The following PMVK variants were observed in gnomAD, a reference collection of about 807,000 sequenced individuals.
The protein encoded by PMVK is testis tissue sperm-binding protein Li 95mP.
In PMVK, 10 loss-of-function variants were observed where a neutral mutation model predicts 19.0. The observed-to-expected ratio is 0.53, with a 90% CI of 0.32 to 0.89. PMVK has a LOEUF of 0.89. Among genes scored for constraint, PMVK ranks in the 40% least tolerant of loss-of-function variants. The probability of loss-of-function intolerance (pLI) is 0.03; values close to 1 mark genes in which losing one functional copy is unlikely to be tolerated. For synonymous variants in PMVK, 108 were observed against 101.6 expected, an observed-to-expected ratio of 1.06 and a Z score of -0.38; for missense variants, 222 against 251.1, an observed-to-expected ratio of 0.88 and a Z score of 0.78.
At chr1:154,927,023 T>A (rs1654185357) in intron 3 of PMVK, among the ~76,000 whole-genome samples, 1 of 152,152 alleles carries the variant, frequency 6.6e-6, no homozygotes, top group Non-Finnish European at 1.5e-5. Context: ...CTTGGTATAG[T>A]CTCTCACACC....
chr1:154,925,381 G>A, intron 4 of PMVK, 116 bp from the exon 5 acceptor site: 2 of 1,132,792 alleles, frequency 1.8e-6, no homozygotes, highest in South Asian at 1.3e-5. Flanking sequence ...CTACCCTAGA[G>A]CCAAGGGCTA....
At chr1:154,937,873 A>G (rs1324378969), upstream of PMVK, 5 of 152,236 alleles carry the variant, frequency 3.3e-5, no homozygotes, top group East Asian at 7.7e-4. Context: ...AGCAACCCAG[A>G]AAACACTGCA....
upstream of PMVK, chr1:154,937,327 A>G (rs1290609563): frequency 1.3e-5 from 2 of 152,300 alleles, no homozygotes; most frequent in East Asian, 3.9e-4. Context: ...CGCACACGAT[A>G]TTTCATTGTC....
chr1:154,941,227 G>C (rs757565841), upstream of PMVK, among the ~76,000 whole-genome samples: 3 of 152,222 alleles, frequency 2.0e-5, no homozygotes, highest in Admixed American at 6.5e-5. Flanking sequence ...AGAAGAACAG[G>C]TGAGCGGGGA....
chr1:154,936,366 C>A, intron 1 of PMVK: 1 of 983,522 alleles, frequency 1.0e-6, no homozygotes, highest in Non-Finnish European at 1.2e-6. Context: ...GAGAGACCTG[C>A]AGCTGAAGGT....
intron 1 of PMVK, among the ~76,000 whole-genome samples, chr1:154,935,458 A>G (rs1360027688): frequency 1.3e-5 from 2 of 152,218 alleles, no homozygotes; most frequent in Non-Finnish European, 2.9e-5. Flanking sequence ...TCTTGCTTTG[A>G]CAGAAAACAC....
intron 1 of PMVK, chr1:154,936,354 CAG>C (rs1448250056): frequency 3.1e-6 from 3 of 978,524 alleles, no homozygotes; most frequent in African/African-American, 1.8e-5. Flanking sequence ...TAATGCTTCT[CAG>C]AGAGACCTGC....
At position 154,929,156 on chromosome 1, in the gene PMVK, C is replaced by A. The variant is rs1210128840; in HGVS notation, c.180G>T (p.Gln60His). The A allele has an allele frequency of 1.2e-6, 2 of 1,614,146 alleles. No homozygotes were observed. The highest frequency in any genetic ancestry group is 4.5e-5 in the East Asian group (2 of 44,880). ...QYAQEHGLNF[Q>H]RLLDTSTYKE... ...TGTAGGTGCTGGTGTCCAGGAGTCTCTGGAAGTTCAAGCCATGCTCCTGCC... is the reference window on the plus strand; with the variant it reads ...TGTAGGTGCTGGTGTCCAGGAGTCTATGGAAGTTCAAGCCATGCTCCTGCC... Residue 60 changes from glutamine (Q) to histidine (H), a missense_variant, in exon 3 of 5, where the codon CAG becomes CAT. By Grantham distance (24) the Gln-to-His change is conservative. Coordinates refer to ENST00000368467, the MANE Select transcript of PMVK (RefSeq NM_006556.4).
At chr1:154,930,479 T>C (rs1039894978) in intron 2 of PMVK, among the ~76,000 whole-genome samples, 5 of 151,856 alleles carry the variant, frequency 3.3e-5, no homozygotes, top group African/African-American at 4.8e-5. Context: ...ATAAAATAAA[T>C]AAATAAATAA....
intron 3 of PMVK, among the ~76,000 whole-genome samples, chr1:154,926,830 G>A (rs1304332748): frequency 6.6e-6 from 1 of 152,140 alleles, no homozygotes; most frequent in Non-Finnish European, 1.5e-5. Context: ...AGTCTAGTGG[G>A]AGACACTGAA....
At chr1:154,933,897 A>G (rs1654422796) in intron 1 of PMVK, among the ~76,000 whole-genome samples, 1 of 151,916 alleles carries the variant, frequency 6.6e-6, no homozygotes, top group South Asian at 2.1e-4. Flanking sequence ...GGCTTAACCA[A>G]CCATTTATTG....
At chr1:154,935,402 C>T (rs1654473026) in intron 1 of PMVK, among the ~76,000 whole-genome samples, 1 of 152,222 alleles carries the variant, frequency 6.6e-6, no homozygotes, top group Non-Finnish European at 1.5e-5. Flanking sequence ...TCCCCAACCT[C>T]TGCTCTCCTA....
rs1654364279 is a variant in PMVK, at chr1:154,932,382, G to C, written c.129C>G (p.Leu43=). 1.2e-6 allele frequency: 2 copies of C among 1,613,442 alleles called. No individual in the cohort carries two copies. The highest frequency in any genetic ancestry group is 1.7e-6 in the Non-Finnish European group (2 of 1,179,596). ...CATACTGTTCCTTGAGTGGACCAGA[G>C]AGCCGGAGGACAGCACAGACATCAG... is the stretch of plus-strand genomic sequence containing the variant. ...LGADVCAVLR[L]SGPLKEQYAQ... The change falls in exon 2 of 5, where the codon CTC becomes CTG. Residue 43 remains leucine (L), a synonymous_variant. Coordinates refer to ENST00000368467, the MANE Select transcript of PMVK (RefSeq NM_006556.4).
chr1:154,936,886 G>C (rs1654526514), upstream of PMVK: 1 of 577,664 alleles, frequency 1.7e-6, no homozygotes. Flanking sequence ...GGAGAAAAGG[G>C]TGAGACACGC....
the PMVK span, among the ~76,000 whole-genome samples, chr1:154,941,906 C>T: frequency 6.6e-6 from 1 of 151,876 alleles, no homozygotes. Flanking sequence ...GGGCTGAGGG[C>T]ACTGGGGAAA....
rs114138760 is a variant in PMVK at position 154,925,709 on chromosome 1, G to C, written c.443-444C>G. 6.7e-3 allele frequency among the ~76,000 whole-genome samples: 1,022 copies of C among 152,354 alleles called. 8 individuals are homozygous for C. The highest frequency in any genetic ancestry group is 0.011 in the Non-Finnish European group (732 of 68,020). On this transcript the variant is annotated intron_variant, in intron 4 of 4. Transcript: ENST00000368467. ...TCTCACTCTTTGTGACCCTGGGAAA[G>C]AGACTTAACCTTTCAGGCCAGGGCC...
In PMVK at chr1:154,925,018, A is replaced by AAC; in HGVS notation, c.*110_*111insGT. 1 of 475,182 alleles carries AAC rather than the reference A, an allele frequency of 2.1e-6. No homozygotes were observed. Among genetic ancestry groups the AAC allele is most frequent in the Non-Finnish European group, 3.6e-6 (1 of 280,434 alleles). 29.4% of individuals were successfully genotyped at this position (475,182 alleles called of 1,614,324 possible). On this transcript the variant is annotated 3_prime_UTR_variant, in exon 5 of 5. Coordinates refer to ENST00000368467, the MANE Select transcript of PMVK (RefSeq NM_006556.4). ...ATCCACCAACCCCCTCAGAATCTAG[A>AAC]CCCCCCCTGTCTGTTCCTCACCTCG...
In PMVK at chr1:154,930,502, C is replaced by A. The variant is rs529736492; in HGVS notation, c.160-1326G>T. ...AATAAATAAATAAAAATGCAAACTCCTGCTCCTTCTTCCTCCCGCCCCCCA... is the reference window on the plus strand; with the variant it reads ...AATAAATAAATAAAAATGCAAACTCATGCTCCTTCTTCCTCCCGCCCCCCA... On this transcript the variant is annotated intron_variant, in intron 2 of 4. Transcript: ENST00000368467. Among the ~76,000 whole-genome samples the A allele has an allele frequency of 2.6e-5, 4 of 151,938 alleles. No homozygotes were observed. In the South Asian group the frequency reaches 8.3e-4, roughly 32 times the overall value.
Position 154,924,919 on chromosome 1 carries a change from TCTC to T in PMVK, c.*207_*209del. 1.7e-6 allele frequency: 1 copy of T among 574,330 alleles called. No individual in the cohort carries two copies. Among genetic ancestry groups the T allele is most frequent in the South Asian group, 2.1e-5 (1 of 47,280 alleles). The allele number at this position is 574,330 out of a possible 1,614,324, so 35.6% of individuals were successfully genotyped here. ...AAGACACCCTCCTTTGCCCTTGGAG[TCTC>T]CTCCTGAAGAGCATGGCTGTCTTCC... On this transcript the variant is annotated 3_prime_UTR_variant, in exon 5 of 5. Coordinates refer to ENST00000368467, the MANE Select transcript of PMVK (RefSeq NM_006556.4).
Sources: allele counts gnomAD v4.1 joint callset (sites outside exome capture counted in the v4.1 genomes callset), GRCh38; gene constraint gnomAD v4.1.1; transcripts MANE v1.5; gene names NCBI Gene and HGNC (gene_info 2026-07-23, HGNC 2026-07-21).